Variants in TMEM135 observed in about 807,000 individuals in gnomAD.
TMEM135 encodes the protein peroxisomal membrane protein 52.
A neutral mutation model predicts 60.3 loss-of-function variants in TMEM135; 30 were observed. The ratio of observed to expected loss-of-function variants is 0.50; its 90% CI spans 0.37 to 0.68. The LOEUF is 0.68. TMEM135 is among the 30% of genes least tolerant of loss of function. The probability of loss-of-function intolerance (pLI) is 0.00; values close to 1 mark genes in which losing one functional copy is unlikely to be tolerated. For missense variants in TMEM135, 468 were observed against 548.8 expected (o/e 0.85, Z 1.47); for synonymous variants, 190 against 186.7 (o/e 1.02, Z -0.14).
intron 6 of TMEM135, among the ~76,000 whole-genome samples, chr11:87,271,758 A>T (rs1941866972): frequency 6.6e-6 from 1 of 151,920 alleles, no homozygotes; most frequent in Non-Finnish European, 1.5e-5. Flanking sequence ...ACATGGTGAA[A>T]TCCCCTCTCT....
chr11:87,250,007 A>G (rs1941378496), intron 6 of TMEM135, among the ~76,000 whole-genome samples: 1 of 151,982 alleles, frequency 6.6e-6, no homozygotes, highest in African/African-American at 2.4e-5. Context: ...CAGGTTTTGG[A>G]ATTCTTCATG....
intron 7 of TMEM135, among the ~76,000 whole-genome samples, chr11:87,300,042 A>G (rs1383191449): frequency 6.6e-6 from 1 of 152,198 alleles, no homozygotes; most frequent in Non-Finnish European, 1.5e-5. Flanking sequence ...CCAGATAAGA[A>G]GAGCAATACA....
At chr11:87,117,186 G>A (rs2451063) in intron 4 of TMEM135, among the ~76,000 whole-genome samples, 72,433 of 152,014 alleles carry the variant, frequency 0.48, 17,545 homozygotes, top group East Asian at 0.67. Context: ...CAAGTTGATA[G>A]TGATATCAGG....
chr11:87,108,354 T>C (rs889689337), intron 4 of TMEM135, among the ~76,000 whole-genome samples: 77 of 152,304 alleles, frequency 5.1e-4, no homozygotes, highest in African/African-American at 1.8e-3. Context: ...ATGTCCTGAA[T>C]GGTATTGCCT....
At chr11:87,116,642 CACACAG>C (rs1460301161) in intron 4 of TMEM135, among the ~76,000 whole-genome samples, 18 of 43,108 alleles carry the variant, frequency 4.2e-4, no homozygotes, top group East Asian at 1.8e-3. Flanking sequence ...CACACACACA[CACACAG>C]ACACACACAT....
intron 6 of TMEM135, among the ~76,000 whole-genome samples, chr11:87,258,257 C>G (rs11235051): frequency 0.35 from 53,431 of 151,100 alleles, 9,943 homozygotes; most frequent in Non-Finnish European, 0.42. Context: ...ACTGGCTTCT[C>G]TTTTTTTAAA....
intron 5 of TMEM135, among the ~76,000 whole-genome samples, chr11:87,191,872 T>C (rs1330140057): frequency 2.0e-5 from 3 of 152,114 alleles, no homozygotes; most frequent in Non-Finnish European, 4.4e-5. Flanking sequence ...ATTGGGAGTT[T>C]ATACTTTTAA....
intron 6 of TMEM135, among the ~76,000 whole-genome samples, chr11:87,272,618 G>T (rs1053190077): frequency 7.1e-6 from 1 of 141,356 alleles, no homozygotes; most frequent in Non-Finnish European, 1.6e-5. Flanking sequence ...GTGCCACCAT[G>T]CCTGGCTAAC....
At chr11:87,162,297 G>A (rs754649478) in intron 5 of TMEM135, among the ~76,000 whole-genome samples, 1 of 151,728 alleles carries the variant, frequency 6.6e-6, no homozygotes, top group Non-Finnish European at 1.5e-5. Flanking sequence ...AGGTATACAC[G>A]TGCCATGGTA....
intron 6 of TMEM135, among the ~76,000 whole-genome samples, chr11:87,264,958 T>A (rs935663729): frequency 6.6e-6 from 1 of 151,930 alleles, no homozygotes; most frequent in South Asian, 2.1e-4. Flanking sequence ...TATAGTTATA[T>A]TATAGGTTAT....
At chr11:87,100,957 C>G (rs1857444311) in intron 4 of TMEM135, among the ~76,000 whole-genome samples, 1 of 152,146 alleles carries the variant, frequency 6.6e-6, no homozygotes. Flanking sequence ...TAACGATTAA[C>G]TAGCACTTAA....
chr11:87,297,089 A>G (rs1320828532), intron 7 of TMEM135, among the ~76,000 whole-genome samples: 1 of 152,174 alleles, frequency 6.6e-6, no homozygotes, highest in East Asian at 1.9e-4. Context: ...ACTGAAAAAG[A>G]GAGAACCAGA....
At position 87,214,552 on chromosome 11, in the gene TMEM135, G is replaced by A. The variant is rs532247206; in HGVS notation, c.463-22086G>A. Among the ~76,000 whole-genome samples, 454 of 151,654 alleles carry A rather than the reference G, an allele frequency of 3.0e-3. 3 individuals are homozygous for A. Among genetic ancestry groups the A allele is most frequent in the Middle Eastern group, 0.014 (4 of 294 alleles). On this transcript the variant is annotated intron_variant, in intron 5 of 14. Transcript: ENST00000305494. ...GAAAACACCTTACCTATGTAGACCA[G>A]ACTCTGTAACACTTTTTTTTTTTTG...
Position 87,054,082 on chromosome 11 carries a change from A to G in TMEM135, c.142-13612A>G, listed in dbSNP as rs181600049. 9.2e-5 allele frequency among the ~76,000 whole-genome samples: 14 copies of G among 152,338 alleles called. No individual in the cohort carries two copies. In the East Asian group the frequency reaches 2.7e-3, roughly 29 times the overall value. ...TTCCTCATAATTATACTTGAGGGGA[A>G]TCAATAACTGAAATAAATTAAAGAA... On this transcript the variant is annotated intron_variant, in intron 1 of 14. Coordinates refer to ENST00000305494, the MANE Select transcript of TMEM135 (RefSeq NM_022918.4).
intron 4 of TMEM135, among the ~76,000 whole-genome samples, chr11:87,145,164 C>T (rs654569): frequency 0.37 from 55,821 of 151,920 alleles, 10,792 homozygotes; most frequent in East Asian, 0.67. Flanking sequence ...ATGGGTTTCA[C>T]ATAAGTGAGA....
chr11:87,176,017 T>G (rs1939358120), intron 5 of TMEM135, among the ~76,000 whole-genome samples: 1 of 152,202 alleles, frequency 6.6e-6, no homozygotes, highest in Admixed American at 6.6e-5. Context: ...CCATTTTGTT[T>G]GCACATCATT....
At chr11:87,085,769 A>C (rs189800626) in intron 3 of TMEM135, among the ~76,000 whole-genome samples, 1 of 152,180 alleles carries the variant, frequency 6.6e-6, no homozygotes, top group Non-Finnish European at 1.5e-5. Flanking sequence ...ACAAACAAAC[A>C]ACAACAAAAA....
intron 5 of TMEM135, among the ~76,000 whole-genome samples, chr11:87,170,503 C>T (rs1464607537): frequency 1.3e-5 from 2 of 152,120 alleles, no homozygotes; most frequent in East Asian, 3.9e-4. Context: ...GTTGTTGTTA[C>T]TCCTTTCTGT....
rs1157642293 is a variant in TMEM135, at chr11:87,325,712, T to A, written c.*4379T>A. The stretch of plus-strand genomic sequence containing the variant: ...TTTCCAGAGACACTGATTTTTTTTT[T>A]ATATGCTCTGTTTTTCTTAGGCAGG... On this transcript the variant is annotated 3_prime_UTR_variant, in exon 15 of 15. Transcript: ENST00000305494. 6.6e-6 allele frequency: 3 copies of A among 452,602 alleles called. No individual in the cohort carries two copies. The highest frequency in any genetic ancestry group is 6.8e-4 in the Middle Eastern group (1 of 1,466). 28.0% of individuals were successfully genotyped at this position (452,602 alleles called of 1,614,324 possible). A position where few individuals can be genotyped will look rare whatever the true frequency, so the allele number is the denominator to read the frequency against.
Sources: gnomAD v4.1 joint callset for allele counts (sites outside exome capture counted in the v4.1 genomes callset) on GRCh38, gnomAD v4.1.1 for gene constraint, MANE v1.5 for transcripts, NCBI Gene and HGNC (gene_info 2026-07-23, HGNC 2026-07-21) for gene names.